CACNA1C: variants seen among roughly 807,000 people sequenced by gnomAD.
The protein encoded by CACNA1C is voltage-dependent L-type calcium channel subunit alpha-1C.
CACNA1C carries 30 observed loss-of-function variants against 229.0 expected under a neutral mutation model. That is an observed-to-expected ratio of 0.13 (90% CI 0.10 to 0.18). The LOEUF is 0.18. Among genes scored for constraint, CACNA1C ranks in the 10% least tolerant of loss-of-function variants. CACNA1C has a pLI of 1.00. For missense variants in CACNA1C, 1,658 were observed against 2,845.0 expected, an observed-to-expected ratio of 0.58 and a Z score of 9.49; for synonymous variants, 1,114 against 1,132.5, an observed-to-expected ratio of 0.98 and a Z score of 0.33.
chr12:2,319,462 C>T lies in CACNA1C; in HGVS notation c.478-129514C>T, dbSNP rs900741338. ...TGCATCAGGAGGAAGAGACCTCGCT[C>T]CCACGCCACAGCCCCAGGCCCCAGG... On this transcript the variant is annotated intron_variant, in intron 3 of 46. Coordinates refer to ENST00000399655, the MANE Select transcript of CACNA1C (RefSeq NM_000719.7). This position sits in a 1 kb window ranked among gnomAD's most constrained non-coding sequence, Gnocchi z 4.0. Among the ~76,000 whole-genome samples the T allele has an allele frequency of 1.4e-4, 22 of 152,118 alleles. No individual in the cohort carries two copies. The highest frequency in any genetic ancestry group is 4.8e-4 in the African/African-American group (20 of 41,414).
chr12:2,369,459 C>T (rs1029231125), intron 3 of CACNA1C, among the ~76,000 whole-genome samples: 45 of 150,020 alleles, frequency 3.0e-4, no homozygotes, highest in African/African-American at 9.6e-4. Context: ...AGTGCAGTGG[C>T]GCAATCTTGG....
intron 3 of CACNA1C, among the ~76,000 whole-genome samples, chr12:2,155,482 A>G (rs1456799224): frequency 6.6e-6 from 1 of 152,040 alleles, no homozygotes; most frequent in Non-Finnish European, 1.5e-5. Flanking sequence ...TTTTATTGTC[A>G]TTTTCTCACC....
intron 29 of CACNA1C, among the ~76,000 whole-genome samples, chr12:2,617,291 T>C (rs1380543997): frequency 6.6e-6 from 1 of 152,220 alleles, no homozygotes; most frequent in Non-Finnish European, 1.5e-5. Flanking sequence ...GGTCAAATGC[T>C]GGCTCTCTCT....
At chr12:2,607,244 A>G in intron 26 of CACNA1C, 114 bp downstream of exon 26, 2 of 1,075,684 alleles carry the variant, frequency 1.9e-6, no homozygotes, top group Non-Finnish European at 2.7e-6. Flanking sequence ...GGTCATATTT[A>G]CCTGGGTCCT....
intron 1 of CACNA1C, among the ~76,000 whole-genome samples, chr12:2,007,535 A>G (rs2043677693): frequency 6.6e-6 from 1 of 152,236 alleles, no homozygotes; most frequent in South Asian, 2.1e-4. Flanking sequence ...CTGAAATTAC[A>G]TGGTCATGTC....
intron 3 of CACNA1C, among the ~76,000 whole-genome samples, chr12:2,249,726 A>C (rs1166970507): frequency 6.6e-6 from 1 of 150,484 alleles, no homozygotes; most frequent in Non-Finnish European, 1.5e-5. Context: ...TCTAGGGCTC[A>C]CTCGGCCGGT....
At chr12:2,686,353 C>G (rs913817549) in intron 45 of CACNA1C, 84 bp downstream of exon 45, 34 of 1,060,236 alleles carry the variant, frequency 3.2e-5, no homozygotes, top group Non-Finnish European at 4.9e-5. Context: ...CTGAAGACTT[C>G]AGTGGGTCTT....
chr12:1,979,391 T>G (rs553212508), intron 1 of CACNA1C, among the ~76,000 whole-genome samples: 1 of 152,202 alleles, frequency 6.6e-6, no homozygotes, highest in Non-Finnish European at 1.5e-5. Context: ...CTTGGCTCAC[T>G]ACAACCTCCA....
intron 1 of CACNA1C, among the ~76,000 whole-genome samples, chr12:2,005,711 A>T (rs1339151222): frequency 6.6e-6 from 1 of 152,240 alleles, no homozygotes; most frequent in Admixed American, 6.5e-5. Context: ...TGCTTAACTC[A>T]GTGGTCCAGT....
At chr12:2,517,647 T>C (rs535213284) in intron 9 of CACNA1C, among the ~76,000 whole-genome samples, 1 of 152,304 alleles carries the variant, frequency 6.6e-6, no homozygotes, top group Admixed American at 6.5e-5. Context: ...CTCTAGTGAC[T>C]GCTTCTCCCC....
chr12:2,327,572 A>G (rs529134867), intron 3 of CACNA1C, among the ~76,000 whole-genome samples: 6 of 152,328 alleles, frequency 3.9e-5, no homozygotes, highest in African/African-American at 1.4e-4. Context: ...ATCCATTTCT[A>G]ACATTCTGAC....
At chr12:2,475,298 CAA>C (rs797001595) in intron 5 of CACNA1C, among the ~76,000 whole-genome samples, 1 of 134,820 alleles carries the variant, frequency 7.4e-6, no homozygotes, top group African/African-American at 2.8e-5. Context: ...GACTCCATCT[CAA>C]AAAAAAAAAG....
At chr12:2,205,758 C>T (rs749793323) in intron 3 of CACNA1C, among the ~76,000 whole-genome samples, 22 of 152,130 alleles carry the variant, frequency 1.4e-4, no homozygotes, top group Non-Finnish European at 2.6e-4. Context: ...ACTACAAAGA[C>T]GGAAATGTAT....
rs59658684 is a variant in CACNA1C, at chr12:2,634,484, A to AT, written c.3912+116dup. On this transcript the variant is annotated intron_variant, in intron 30 of 46. Coordinates refer to ENST00000399655, the MANE Select transcript of CACNA1C (RefSeq NM_000719.7). ...TTTTATTTTCTCTCCCCACCTTCTT[A>AT]TTTTTTTTTTTTAATTTGTTTGTTT... The AT allele has an allele frequency of 0.23, 70,591 of 310,036 alleles. 2,823 individuals are homozygous for AT. Among genetic ancestry groups the AT allele is most frequent in the African/African-American group, 0.32 (10,966 of 33,948 alleles). The allele number at this position is 310,036 out of a possible 1,614,324, so 19.2% of individuals were successfully genotyped here.
At chr12:2,330,475 A>G (rs1346329879) in intron 3 of CACNA1C, among the ~76,000 whole-genome samples, 1 of 152,266 alleles carries the variant, frequency 6.6e-6, no homozygotes, top group Admixed American at 6.5e-5. Flanking sequence ...CTCCTTTAAT[A>G]CTCATGATAT....
intron 3 of CACNA1C, among the ~76,000 whole-genome samples, chr12:2,254,590 G>C (rs1223424943): frequency 6.6e-6 from 1 of 152,176 alleles, no homozygotes; most frequent in Non-Finnish European, 1.5e-5. Context: ...GGATTGTCCA[G>C]GGTCCAGGCT....
chr12:2,353,366 C>T (rs1267451117), intron 3 of CACNA1C, among the ~76,000 whole-genome samples: 3 of 152,242 alleles, frequency 2.0e-5, no homozygotes, highest in Non-Finnish European at 4.4e-5. Flanking sequence ...TCCCCCTGGC[C>T]GTGCTCTTAT....
chr12:2,092,836 G>C (rs1388259341), intron 1 of CACNA1C, among the ~76,000 whole-genome samples: 3 of 152,222 alleles, frequency 2.0e-5, no homozygotes, highest in African/African-American at 7.2e-5. Flanking sequence ...GTGGAGAGCT[G>C]AGACTCAAAT....
intron 1 of CACNA1C, among the ~76,000 whole-genome samples, chr12:2,087,418 T>C (rs1259573796): frequency 3.9e-5 from 6 of 152,212 alleles, no homozygotes; most frequent in Non-Finnish European, 8.8e-5. Flanking sequence ...GGAGTTACAG[T>C]GAGAGCCACT....
Sources: gnomAD v4.1 joint callset for allele counts (sites outside exome capture counted in the v4.1 genomes callset) on GRCh38, gnomAD v4.1.1 for gene constraint, Gnocchi (gnomAD v3.1) non-coding constraint, MANE v1.5 for transcripts, NCBI Gene and HGNC (gene_info 2026-07-23, HGNC 2026-07-21) for gene names.